The following DUSP3 variants were observed in gnomAD, a reference collection of about 807,000 sequenced individuals.
The protein encoded by DUSP3 is dual specificity phosphatase 3, also known as dual specificity protein phosphatase 3.
Under a neutral mutation model 15.5 loss-of-function variants are expected in DUSP3, and 7 were observed. The observed-to-expected ratio is 0.45, with a 90% confidence interval of 0.26 to 0.85. DUSP3 has a LOEUF of 0.85. Among genes scored for constraint, DUSP3 ranks in the 40% least tolerant of loss-of-function variants. The probability of loss-of-function intolerance (pLI) is 0.18; values close to 1 mark genes in which losing one functional copy is unlikely to be tolerated. For missense variants in DUSP3, 209 were observed against 251.7 expected (o/e 0.83, Z 1.15); for synonymous variants, 86 against 104.2 (o/e 0.83, Z 1.07).
In DUSP3 at chr17:43,771,012, GTGTGTGTGTA is replaced by G. The variant is rs796755566; in HGVS notation, c.353-1208_353-1199del. On this transcript the variant is annotated intron_variant, in intron 2 of 2. Coordinates refer to ENST00000226004, the MANE Select transcript of DUSP3 (RefSeq NM_004090.4). ...TATATGTGTGTGTGTGTGTGTGTGT[GTGTGTGTGTA>G]TGTGTGTGTATATATATATATATAA... Among the ~76,000 whole-genome samples, 246 of 149,658 alleles carry G rather than the reference GTGTGTGTGTA, an allele frequency of 1.6e-3. 3 individuals are homozygous for G. The highest frequency in any genetic ancestry group is 5.4e-3 in the African/African-American group (219 of 40,676).
chr17:43,778,706 C>T, intron 1 of DUSP3, 94 bp downstream of exon 1: 9 of 1,367,374 alleles, frequency 6.6e-6, no homozygotes, highest in Non-Finnish European at 8.5e-6. Context: ...CCCGGGCTCC[C>T]CCAACCCAAG....
intron 1 of DUSP3, 103 bp downstream of exon 1, chr17:43,778,697 C>G (rs1974423999): frequency 7.5e-7 from 1 of 1,339,630 alleles, no homozygotes; most frequent in Non-Finnish European, 9.6e-7. Context: ...GCCATCGCGC[C>G]CGGGCTCCCC....
rs531803042 is a variant in DUSP3, at chr17:43,771,032, A to G, written c.353-1218T>C. Among the ~76,000 whole-genome samples, 273 of 147,952 alleles carry G rather than the reference A, an allele frequency of 1.8e-3. 2 individuals are homozygous for G. Among genetic ancestry groups the G allele is most frequent in the African/African-American group, 6.3e-3 (250 of 39,950 alleles). ...TGTGTGTGTGTGTGTATGTGTGTGT[A>G]TATATATATATATAAATAGACACCA... On this transcript the variant is annotated intron_variant, in intron 2 of 2. Transcript: ENST00000226004.
rs1974428016 is a variant in DUSP3 at position 43,778,884 on chromosome 17, T to A, written c.41A>T (p.Asp14Val). Residue 14 changes from aspartate to valine, a missense_variant, in exon 1 of 3, where the codon GAC (aspartate) becomes GTC (valine). By Grantham distance (152) the Asp-to-Val change is radical (BLOSUM62 -3). Coordinates refer to ENST00000226004, the MANE Select transcript of DUSP3 (RefSeq NM_004090.4). ...SFELSVQDLN[D>V]LLSDGSGCYS... is the part of the protein sequence containing the mutation. ...GCAGCCGCTGCCGTCCGAGAGCAGG[T>A]CGTTGAGATCCTGCACCGAGAGCTC... 1 of 1,513,880 alleles carries A rather than the reference T, an allele frequency of 6.6e-7. No homozygotes were observed. Among genetic ancestry groups the A allele is most frequent in the Non-Finnish European group, 8.8e-7 (1 of 1,131,818 alleles). 93.8% of individuals were successfully genotyped at this position (1,513,880 alleles called of 1,614,324 possible).
chr17:43,766,189 C>T lies in DUSP3; in HGVS notation c.*3420G>A, dbSNP rs995302128. The T allele has an allele frequency of 2.6e-5, 4 of 152,538 alleles. No homozygotes were observed. Among genetic ancestry groups the T allele is most frequent in the Admixed American group, 1.3e-4 (2 of 15,276 alleles). The allele number at this position is 152,538 out of a possible 1,614,324, so 9.4% of individuals were successfully genotyped here. ...GTTTTAACACTGATTTGTGATACAA[C>T]GGACATTAAACTTCCTTTTAAAAAG... On this transcript the variant is annotated 3_prime_UTR_variant, in exon 3 of 3. Transcript: ENST00000226004.
Position 43,768,345 on chromosome 17 carries a change from A to C in DUSP3, c.*1264T>G, listed in dbSNP as rs894930343. The C allele has an allele frequency of 9.9e-5, 15 of 152,222 alleles. No individual in the cohort carries two copies. The highest frequency in any genetic ancestry group is 1.8e-4 in the Non-Finnish European group (12 of 68,054). 9.4% of individuals were successfully genotyped at this position (152,222 alleles called of 1,614,324 possible). On this transcript the variant is annotated 3_prime_UTR_variant, in exon 3 of 3. Coordinates refer to ENST00000226004, the MANE Select transcript of DUSP3 (RefSeq NM_004090.4). ...CTTATATTCTGGCAAATGTGCATACACATGTGAGGGCTGGTGCATTCCAAT... is the reference window on the plus strand; with the variant it reads ...CTTATATTCTGGCAAATGTGCATACCCATGTGAGGGCTGGTGCATTCCAAT...
intron 2 of DUSP3, among the ~76,000 whole-genome samples, chr17:43,772,566 C>G (rs1379491245): frequency 6.6e-6 from 1 of 152,228 alleles, no homozygotes; most frequent in Non-Finnish European, 1.5e-5. Context: ...TGATGGGTCC[C>G]TGGGCCCCAC....
rs561173593 is a variant in DUSP3 at position 43,777,690 on chromosome 17, C to G, written c.125+1110G>C. The G allele has an allele frequency of 1.8e-4, 66 of 376,446 alleles. 2 individuals are homozygous for G. The highest frequency in any genetic ancestry group is 8.1e-4 in the South Asian group (41 of 50,800). 23.3% of individuals were successfully genotyped at this position (376,446 alleles called of 1,614,324 possible). Reference sequence around the variant, plus strand: ...TTTGGTAACTGGGTCCTCAGAGTATCGTGAAAATCCAACTTGAGGCTTTCC... The same window carrying G: ...TTTGGTAACTGGGTCCTCAGAGTATGGTGAAAATCCAACTTGAGGCTTTCC... On this transcript the variant is annotated intron_variant, in intron 1 of 2. Transcript: ENST00000226004.
At position 43,768,867 on chromosome 17, in the gene DUSP3, C is replaced by T. The variant is rs1974274708; in HGVS notation, c.*742G>A. 6.6e-6 allele frequency: 1 copy of T among 151,708 alleles called. No homozygotes were observed. The highest frequency in any genetic ancestry group is 1.5e-5 in the Non-Finnish European group (1 of 67,978). 9.4% of individuals were successfully genotyped at this position (151,708 alleles called of 1,614,324 possible). ...AAAAACGAAGTGACTGAGATAAGAT[C>T]GAAGGGAAATATTCCAGAGCAGCAG... On this transcript the variant is annotated 3_prime_UTR_variant, in exon 3 of 3. Coordinates refer to ENST00000226004, the MANE Select transcript of DUSP3 (RefSeq NM_004090.4).
Position 43,769,420 on chromosome 17 carries a change from T to G in DUSP3, c.*189A>C, listed in dbSNP as rs913168480. The G allele has an allele frequency of 1.6e-5, 10 of 613,386 alleles. No individual in the cohort carries two copies. Among genetic ancestry groups the G allele is most frequent in the Non-Finnish European group, 2.7e-5 (10 of 367,338 alleles). The allele number at this position is 613,386 out of a possible 1,614,324, so 38.0% of individuals were successfully genotyped here. On this transcript the variant is annotated 3_prime_UTR_variant, in exon 3 of 3. Transcript: ENST00000226004. The stretch of plus-strand genomic sequence containing the variant: ...CAACTGGGGAGCAAGGACGCCCCCC[T>G]TGGCAAGCTTCTTTATGTGCTCCCC...
chr17:43,777,917 A>G (rs1598302926), intron 1 of DUSP3: 1 of 164,904 alleles, frequency 6.1e-6, no homozygotes, highest in Non-Finnish European at 1.3e-5. Context: ...AGGTGGGCGG[A>G]TCATGAGGTC....
intron 2 of DUSP3, 126 bp downstream of exon 2, chr17:43,774,586 T>C: frequency 9.4e-7 from 1 of 1,059,026 alleles, no homozygotes; most frequent in Non-Finnish European, 1.4e-6. Context: ...CCTACAGCTC[T>C]GTCGTTCACC....
chr17:43,770,022 G>A (rs997762263), intron 2 of DUSP3, among the ~76,000 whole-genome samples: 2 of 152,190 alleles, frequency 1.3e-5, no homozygotes, highest in Non-Finnish European at 2.9e-5. Context: ...TGGGGGAGGT[G>A]AGGCGTGAAT....
At chr17:43,772,330 T>C (rs897118338) in intron 2 of DUSP3, among the ~76,000 whole-genome samples, 9 of 152,088 alleles carry the variant, frequency 5.9e-5, no homozygotes, top group African/African-American at 9.7e-5. Context: ...GAGTGGGGCT[T>C]CCCCTGCCCC....
At chr17:43,777,423 G>C in intron 1 of DUSP3, 1 of 445,688 alleles carries the variant, frequency 2.2e-6, no homozygotes, top group Admixed American at 2.4e-5. Flanking sequence ...GTCCCCATGA[G>C]GCTGGGGCCT....
chr17:43,778,941 T>C lies in DUSP3; in HGVS notation c.-17A>G, dbSNP rs762121979. The stretch of plus-strand genomic sequence containing the variant: ...GCCCGACATGGCGGCGGCGGGGCCC[T>C]GCACGCCCGGCAGGAGCAAGCGAGG... On this transcript the variant is annotated 5_prime_UTR_variant, in exon 1 of 3. Coordinates refer to ENST00000226004, the MANE Select transcript of DUSP3 (RefSeq NM_004090.4). 31 of 1,427,194 alleles carry C rather than the reference T, an allele frequency of 2.2e-5. No individual in the cohort carries two copies. Among genetic ancestry groups the C allele is most frequent in the South Asian group, 9.8e-5 (7 of 71,310 alleles). 88.4% of individuals were successfully genotyped at this position (1,427,194 alleles called of 1,614,324 possible).
At chr17:43,770,105 C>G (rs1008089891) in intron 2 of DUSP3, among the ~76,000 whole-genome samples, 19 of 152,174 alleles carry the variant, frequency 1.2e-4, no homozygotes, top group African/African-American at 4.1e-4. Context: ...TCCCCTCTGG[C>G]CCAGCAATCC....
intron 2 of DUSP3, among the ~76,000 whole-genome samples, chr17:43,770,527 C>T (rs1026081902): frequency 3.3e-5 from 5 of 151,814 alleles, no homozygotes; most frequent in Admixed American, 6.5e-5. Flanking sequence ...TGTGGTGGCG[C>T]GAGCCTATAA....
At position 43,778,975 on chromosome 17, in the gene DUSP3, G is replaced by A. The variant is rs985719600; in HGVS notation, c.-51C>T. ...GGCAGGAGCAAGCGAGGCGGAGAGC[G>A]GCGGATCAGCTGGGCGGGGGCTCGC... On this transcript the variant is annotated 5_prime_UTR_variant, in exon 1 of 3. Transcript: ENST00000226004. The A allele has an allele frequency of 4.6e-6, 6 of 1,301,818 alleles. No homozygotes were observed. The highest frequency in any genetic ancestry group is 5.9e-6 in the Non-Finnish European group (6 of 1,019,026). The allele number at this position is 1,301,818 out of a possible 1,614,324, so 80.6% of individuals were successfully genotyped here.
Sources: gnomAD v4.1 joint callset for allele counts (sites outside exome capture counted in the v4.1 genomes callset) on GRCh38, gnomAD v4.1.1 for gene constraint, MANE v1.5 for transcripts, NCBI Gene and HGNC (gene_info 2026-07-23, HGNC 2026-07-21) for gene names.